The following SLC25A12 variants were observed in gnomAD, a reference collection of about 807,000 sequenced individuals.
SLC25A12 encodes electrogenic aspartate/glutamate antiporter SLC25A12, mitochondrial.
Under a neutral mutation model 83.3 loss-of-function variants are expected in SLC25A12, and 32 were observed. The observed-to-expected ratio is 0.38, with a 90% CI of 0.29 to 0.52. The LOEUF is 0.52. Ranked by LOEUF, SLC25A12 falls within the 20% of genes least tolerant of loss-of-function variation. The probability of loss-of-function intolerance (pLI) is 0.84; values close to 1 mark genes in which losing one functional copy is unlikely to be tolerated. For synonymous variants in SLC25A12, 267 were observed against 291.1 expected (o/e 0.92, Z 0.84); for missense variants, 611 against 835.6 (o/e 0.73, Z 3.31).
At position 171,894,227 on chromosome 2, in the gene SLC25A12, A is replaced by AGCCG. The variant is rs149036637; in HGVS notation, c.-17_-14dup. On this transcript the variant is annotated 5_prime_UTR_variant, in exon 1 of 18. Transcript: ENST00000422440. ...CCTTGACCGCCATGCTGTGCTCGGA[A>AGCCG]GCCGGGGACGAGCGAGTGAGCGAGC... 8.7e-6 allele frequency: 14 copies of AGCCG among 1,608,852 alleles called. No individual in the cohort carries two copies. In the East Asian group the frequency reaches 3.1e-4, roughly 36 times the overall value.
Position 171,793,618 on chromosome 2 carries a change from C to T in SLC25A12, c.1446+9G>A, listed in dbSNP as rs762242454. ...TTTATTGAGTACATTATAACCTAAA[C>T]CTACCCACCTTATACAGACCAAAAA... is the stretch of plus-strand genomic sequence containing the variant. On this transcript the variant is annotated intron_variant, in intron 14 of 17. Coordinates refer to ENST00000422440, the MANE Select transcript of SLC25A12 (RefSeq NM_003705.5). The T allele has an allele frequency of 3.1e-6, 5 of 1,613,826 alleles. No individual in the cohort carries two copies. The Admixed American group carries it at 8.3e-5, about 27-fold the overall frequency.
intron 2 of SLC25A12, among the ~76,000 whole-genome samples, chr2:171,874,234 T>A (rs913843362): frequency 4.1e-5 from 6 of 146,544 alleles, no homozygotes; most frequent in Non-Finnish European, 9.0e-5. Flanking sequence ...CTCAAAAAAA[T>A]AATAATAATT....
chr2:171,855,980 G>A, intron 3 of SLC25A12, 31 bp from the exon 4 acceptor site: 1 of 1,178,216 alleles, frequency 8.5e-7, no homozygotes, highest in Non-Finnish European at 1.3e-6. Context: ...TCATTGGCTG[G>A]TGAAGAAAGG....
intron 2 of SLC25A12, among the ~76,000 whole-genome samples, chr2:171,876,676 C>A (rs1331693487): frequency 6.6e-6 from 1 of 151,666 alleles, no homozygotes; most frequent in Non-Finnish European, 1.5e-5. Context: ...CACTAGGTTG[C>A]CCCCCCACAC....
intron 3 of SLC25A12, among the ~76,000 whole-genome samples, chr2:171,864,274 G>A (rs1685234051): frequency 6.6e-6 from 1 of 152,224 alleles, no homozygotes; most frequent in Non-Finnish European, 1.5e-5. Context: ...GATGTAGACT[G>A]AAACTGCCAT....
intron 4 of SLC25A12, among the ~76,000 whole-genome samples, chr2:171,850,134 G>A (rs912459856): frequency 6.6e-5 from 10 of 150,644 alleles, no homozygotes; most frequent in Non-Finnish European, 4.4e-5. Flanking sequence ...TGGGGGTGGG[G>A]GTATGGAGTC....
Position 171,874,296 on chromosome 2 carries a change from A to G in SLC25A12, c.67-5473T>C, listed in dbSNP as rs147647060. On this transcript the variant is annotated intron_variant, in intron 2 of 17. Transcript: ENST00000422440. ...AATCCCAGCTACTCGGGATGCTGAG[A>G]CAAGAGAACCTCTTGAACCCGGGAG... Among the ~76,000 whole-genome samples, 22 of 150,942 alleles carry G rather than the reference A, an allele frequency of 1.5e-4. 1 individual carries two copies. The highest frequency in any genetic ancestry group is 5.4e-4 in the African/African-American group (22 of 41,076).
chr2:171,787,616 G>A lies in SLC25A12; in HGVS notation c.1790C>T (p.Thr597Ile), dbSNP rs1690512788. 1 of 1,614,068 alleles carries A rather than the reference G, an allele frequency of 6.2e-7. No individual in the cohort carries two copies. Among genetic ancestry groups the A allele is most frequent in the Non-Finnish European group, 8.5e-7 (1 of 1,180,046 alleles). ...AAACCACCGCTGGAGAAGTTCATAA[G>A]TGACCAAGGTAACACCAAACTGGGG... ...SSPQFGVTLVTYELLQRWFYI... is the reference protein window; with the variant it reads ...SSPQFGVTLVIYELLQRWFYI... The change falls in exon 17 of 18, where the codon ACT becomes ATT. Residue 597 changes from threonine to isoleucine, a missense_variant. Physicochemically the swap from Thr to Ile is moderately conservative, Grantham distance 89. Transcript: ENST00000422440.
chr2:171,833,865 G>GA (rs1189395948), intron 8 of SLC25A12, 98 bp downstream of exon 8: 8 of 757,130 alleles, frequency 1.1e-5, no homozygotes, highest in South Asian at 3.0e-5. Flanking sequence ...CAAATACATG[G>GA]AAAAAACTCA....
At chr2:171,881,438 G>A (rs1204680983) in intron 2 of SLC25A12, among the ~76,000 whole-genome samples, 1 of 151,912 alleles carries the variant, frequency 6.6e-6, no homozygotes, top group Non-Finnish European at 1.5e-5. Context: ...AGGCCATCGC[G>A]CCCGGCCAAA....
intron 8 of SLC25A12, among the ~76,000 whole-genome samples, chr2:171,830,520 T>C (rs181753802): frequency 6.6e-6 from 1 of 151,638 alleles, no homozygotes; most frequent in African/African-American, 2.4e-5. Context: ...TGCTTTATAT[T>C]TTTTTTTTCT....
At chr2:171,797,639 TG>T (rs1251566384) in intron 13 of SLC25A12, among the ~76,000 whole-genome samples, 4 of 152,192 alleles carry the variant, frequency 2.6e-5, no homozygotes, top group Admixed American at 1.3e-4. Context: ...ATGGTAAATT[TG>T]GTAATTTGGC....
At chr2:171,885,562 C>T (rs895846538) in intron 2 of SLC25A12, among the ~76,000 whole-genome samples, 5 of 152,040 alleles carry the variant, frequency 3.3e-5, no homozygotes, top group African/African-American at 1.2e-4. Context: ...ATCCCAGCTA[C>T]TCAGGAAGCT....
At chr2:171,797,816 CT>C (rs1683629962) in intron 13 of SLC25A12, among the ~76,000 whole-genome samples, 2 of 152,132 alleles carry the variant, frequency 1.3e-5, no homozygotes, top group Admixed American at 6.5e-5. Context: ...TGATACACAG[CT>C]ATATAAATGT....
intron 2 of SLC25A12, among the ~76,000 whole-genome samples, chr2:171,877,810 C>T (rs1389048494): frequency 6.6e-6 from 1 of 151,970 alleles, no homozygotes; most frequent in Admixed American, 6.6e-5. Flanking sequence ...GAGCATAAAG[C>T]CCAAACACTC....
rs370267877 is a variant in SLC25A12 at position 171,803,144 on chromosome 2, C to A, written c.1305+6462G>T. Among the ~76,000 whole-genome samples the A allele has an allele frequency of 4.7e-5, 7 of 149,608 alleles. No homozygotes were observed. The East Asian group carries it at 9.8e-4, about 21-fold the overall frequency. On this transcript the variant is annotated intron_variant, in intron 13 of 17. Transcript: ENST00000422440. Reference sequence around the variant, plus strand: ...AGGCAAAAAAAAAAAACCTAAAAAACTTAGGCTTAAAAATCGGAAAAGACC... The same window carrying A: ...AGGCAAAAAAAAAAAACCTAAAAAAATTAGGCTTAAAAATCGGAAAAGACC...
At chr2:171,877,827 A>C (rs1477370072) in intron 2 of SLC25A12, among the ~76,000 whole-genome samples, 1 of 152,196 alleles carries the variant, frequency 6.6e-6, no homozygotes, top group African/African-American at 2.4e-5. Flanking sequence ...ACTCTAAATG[A>C]TACAAATTAC....
chr2:171,886,790 A>G lies in SLC25A12; in HGVS notation c.66+6415T>C, dbSNP rs180762245. Among the ~76,000 whole-genome samples, 326 of 152,268 alleles carry G rather than the reference A, an allele frequency of 2.1e-3. 1 individual carries two copies. Among genetic ancestry groups the G allele is most frequent in the African/African-American group, 4.5e-3 (187 of 41,572 alleles). On this transcript the variant is annotated intron_variant, in intron 2 of 17. Coordinates refer to ENST00000422440, the MANE Select transcript of SLC25A12 (RefSeq NM_003705.5). ...CTCCCAAAGTGCTGGGATTACAGGC[A>G]TGAGCCACCACATCTTGCCCTATAT...
At position 171,893,200 on chromosome 2, in the gene SLC25A12, T is replaced by C; in HGVS notation, c.66+5A>G. On this transcript the variant is annotated splice_donor_5th_base_variant and intron_variant, in intron 2 of 17. Transcript: ENST00000422440. ...ATGAAAGGCACACTATGCAAGCCAATTTACCTGTAGAAATATGTTTCTTAA... is the reference window on the plus strand; with the variant it reads ...ATGAAAGGCACACTATGCAAGCCAACTTACCTGTAGAAATATGTTTCTTAA... 1.9e-6 allele frequency: 3 copies of C among 1,613,804 alleles called. No individual in the cohort carries two copies. Among genetic ancestry groups the C allele is most frequent in the Non-Finnish European group, 2.5e-6 (3 of 1,179,708 alleles).
Sources: allele counts gnomAD v4.1 joint callset (sites outside exome capture counted in the v4.1 genomes callset), GRCh38; gene constraint gnomAD v4.1.1; transcripts MANE v1.5; gene names NCBI Gene and HGNC (gene_info 2026-07-23, HGNC 2026-07-21).